Variants in PMP22 observed in about 807,000 individuals in gnomAD.
The protein encoded by PMP22 is peripheral myelin protein 22.
Under a neutral mutation model 18.9 loss-of-function variants are expected in PMP22, and 2 were observed. That is an observed-to-expected ratio of 0.11 (90% confidence interval 0.04 to 0.33). The LOEUF (loss-of-function observed/expected upper bound fraction) is 0.33, where lower values mean the gene tolerates loss of function less well. Ranked by LOEUF, PMP22 falls within the 10% of genes least tolerant of loss-of-function variation. The pLI is 1.00. For missense variants in PMP22, 169 were observed against 202.2 expected, an observed-to-expected ratio of 0.84 and a Z score of 1.00; for synonymous variants, 95 against 89.2, an observed-to-expected ratio of 1.07 and a Z score of -0.37.
At chr17:15,255,963 A>G (rs1597628470) in intron 3 of PMP22, among the ~76,000 whole-genome samples, 1 of 152,184 alleles carries the variant, frequency 6.6e-6, no homozygotes, top group Non-Finnish European at 1.5e-5. Flanking sequence ...AGGCCCATGC[A>G]TTCCAGATCC....
At chr17:15,247,340 G>C (rs926824490) in intron 3 of PMP22, among the ~76,000 whole-genome samples, 1 of 152,186 alleles carries the variant, frequency 6.6e-6, no homozygotes, top group Non-Finnish European at 1.5e-5. Flanking sequence ...CTGCACTCCA[G>C]CCTGGGCGAC....
chr17:15,249,362 G>A (rs1333693255), intron 3 of PMP22, among the ~76,000 whole-genome samples: 3 of 152,126 alleles, frequency 2.0e-5, no homozygotes, highest in Non-Finnish European at 2.9e-5. Context: ...CCTGCCCCAG[G>A]TTACCTAATT....
Position 15,259,185 on chromosome 17 carries a change from G to C in PMP22, c.87C>G (p.Ile29Met), listed in dbSNP as rs201192820. ...GATCAGTTGCGTGTCCATTGCCCAC[G>C]ATCCATTGCTAGAGAGAATCAGATA... is the stretch of plus-strand genomic sequence containing the variant. The part of the protein sequence containing the change: ...LFVSTIVSQW[I>M]VGNGHATDLW... Residue 29 changes from isoleucine to methionine, a missense_variant, in exon 3 of 5, where the codon ATC becomes ATG. Physicochemically the swap from Ile to Met is conservative, Grantham distance 10. Coordinates refer to ENST00000312280, the MANE Select transcript of PMP22 (RefSeq NM_000304.4). The C allele has an allele frequency of 1.9e-6, 3 of 1,611,314 alleles. No individual in the cohort carries two copies. In the Admixed American group the frequency reaches 5.0e-5, roughly 27 times the overall value.
At chr17:15,265,032 CA>C (rs1909615600) in intron 1 of PMP22, 121 bp downstream of exon 1, 1 of 152,194 alleles carries the variant, frequency 6.6e-6, no homozygotes, top group African/African-American at 2.4e-5. Context: ...AATTCCAACA[CA>C]AATGCACCAT....
intron 3 of PMP22, among the ~76,000 whole-genome samples, chr17:15,240,318 T>C (rs997257467): frequency 6.6e-6 from 1 of 151,876 alleles, no homozygotes; most frequent in African/African-American, 2.4e-5. Flanking sequence ...GAGCCCAAAG[T>C]AATTTTTTGG....
At chr17:15,262,182 G>T (rs377601557) in intron 1 of PMP22, among the ~76,000 whole-genome samples, 101 of 152,232 alleles carry the variant, frequency 6.6e-4, no homozygotes, top group African/African-American at 2.3e-3. Context: ...GCCCTTATCC[G>T]CTATCCAGAC....
intron 4 of PMP22, among the ~76,000 whole-genome samples, chr17:15,235,740 G>A (rs1318127148): frequency 6.6e-6 from 1 of 151,908 alleles, no homozygotes; most frequent in Non-Finnish European, 1.5e-5. Flanking sequence ...CCTGAATACT[G>A]TCTTTTTTCT....
chr17:15,245,172 C>T (rs1314747239), intron 3 of PMP22, among the ~76,000 whole-genome samples: 1 of 152,202 alleles, frequency 6.6e-6, no homozygotes, highest in Non-Finnish European at 1.5e-5. Context: ...GATTCAAGAG[C>T]TCTCGTTGTT....
intron 3 of PMP22, among the ~76,000 whole-genome samples, chr17:15,253,731 C>T (rs1908570489): frequency 6.6e-6 from 1 of 152,182 alleles, no homozygotes; most frequent in Admixed American, 6.5e-5. Context: ...CCCCAGCGAT[C>T]TTGCACTTGA....
intron 3 of PMP22, among the ~76,000 whole-genome samples, chr17:15,252,339 A>C (rs1446243119): frequency 6.6e-6 from 1 of 152,192 alleles, no homozygotes; most frequent in Non-Finnish European, 1.5e-5. Context: ...TCTAATTTTC[A>C]ACCCAAAGCA....
At chr17:15,260,548 A>G in intron 2 of PMP22, 102 bp downstream of exon 2, 3 of 1,000,882 alleles carry the variant, frequency 3.0e-6, no homozygotes, top group Non-Finnish European at 4.6e-6. Flanking sequence ...GAGACTTCCA[A>G]CTGTCTGCAA....
In PMP22 at chr17:15,258,324, A is replaced by G. The variant is rs539860067; in HGVS notation, c.178+770T>C. 9.9e-5 allele frequency among the ~76,000 whole-genome samples: 15 copies of G among 151,920 alleles called. No homozygotes were observed. The highest frequency in any genetic ancestry group is 4.2e-4 in the South Asian group (2 of 4,804). ...AAAACAGCTCATCCTGTTTACCTCC[A>G]CCTGTCTGCATCCAAACACACAGGG... On this transcript the variant is annotated intron_variant, in intron 3 of 4. Transcript: ENST00000312280. The surrounding 1 kb of genome is among the most constrained non-coding windows in gnomAD (Gnocchi z 4.1).
chr17:15,262,046 C>T (rs1909384361), intron 1 of PMP22, among the ~76,000 whole-genome samples: 1 of 152,200 alleles, frequency 6.6e-6, no homozygotes, highest in South Asian at 2.1e-4. Flanking sequence ...TTGAATTAAG[C>T]CGATGGCAGG....
Position 15,260,800 on chromosome 17 carries a change from G to A in PMP22, c.-34-39C>T, listed in dbSNP as rs1420115530. On this transcript the variant is annotated intron_variant, in intron 1 of 4. Coordinates refer to ENST00000312280, the MANE Select transcript of PMP22 (RefSeq NM_000304.4). The stretch of plus-strand genomic sequence containing the variant: ...GCTGGGCGTGAGGCCGAACGCACTG[G>A]GCCGAGCGACGGAGGCGCGCGCAGA... 4 of 1,356,150 alleles carry A rather than the reference G, an allele frequency of 2.9e-6. No homozygotes were observed. The African/African-American group carries it at 4.3e-5, about 15-fold the overall frequency. The allele number at this position is 1,356,150 out of a possible 1,614,324, so 84.0% of individuals were successfully genotyped here.
chr17:15,235,098 G>A (rs1284783435), intron 4 of PMP22: 7 of 645,720 alleles, frequency 1.1e-5, no homozygotes, highest in African/African-American at 1.8e-5. Context: ...GGGATTACAG[G>A]CATTCGCCAC....
intron 2 of PMP22, chr17:15,260,394 C>A: frequency 1.8e-6 from 1 of 556,338 alleles, no homozygotes; most frequent in Non-Finnish European, 3.2e-6. Context: ...GACCCTAGAT[C>A]GGCTCTGAAG....
In PMP22 at chr17:15,261,941, G is replaced by A. The variant is rs924076014; in HGVS notation, c.-34-1180C>T. ...CCAGTTTGGAAAGTACCCAATCCCA[G>A]GCCCCTCTGTTCCTCTCCACAAGCA... On this transcript the variant is annotated intron_variant, in intron 1 of 4. Transcript: ENST00000312280. This position sits in a 1 kb window ranked among gnomAD's most constrained non-coding sequence, Gnocchi z 5.2. 1 of 152,256 alleles carries A rather than the reference G, an allele frequency of 6.6e-6. No homozygotes were observed. The highest frequency in any genetic ancestry group is 2.4e-5 in the African/African-American group (1 of 41,458). 9.4% of individuals were successfully genotyped at this position (152,256 alleles called of 1,614,324 possible).
rs1224078090 is a variant in PMP22 at position 15,247,300 on chromosome 17, T to C, written c.179-7689A>G. On this transcript the variant is annotated intron_variant, in intron 3 of 4. Coordinates refer to ENST00000312280, the MANE Select transcript of PMP22 (RefSeq NM_000304.4). The stretch of plus-strand genomic sequence containing the variant: ...AGGAGAATGGTGTGAACCCGGGAGG[T>C]GGAGCTTGCAGTGAGCCGAGATGGC... 2.7e-5 allele frequency among the ~76,000 whole-genome samples: 4 copies of C among 148,976 alleles called. No homozygotes were observed. The East Asian group carries it at 6.0e-4, about 23-fold the overall frequency.
rs1023054022 is a variant in PMP22 at position 15,261,919 on chromosome 17, G to A, written c.-34-1158C>T. ...AGGGAGACAACGTTTCAATAACCCA[G>A]TTTGGAAAGTACCCAATCCCAGGCC... On this transcript the variant is annotated intron_variant, in intron 1 of 4. Transcript: ENST00000312280. This position sits in a 1 kb window ranked among gnomAD's most constrained non-coding sequence, Gnocchi z 5.2. 2 of 152,232 alleles carry A rather than the reference G, an allele frequency of 1.3e-5. No individual in the cohort carries two copies. The highest frequency in any genetic ancestry group is 2.9e-5 in the Non-Finnish European group (2 of 68,060). 9.4% of individuals were successfully genotyped at this position (152,232 alleles called of 1,614,324 possible).
Sources: gnomAD v4.1 joint callset for allele counts (sites outside exome capture counted in the v4.1 genomes callset) on GRCh38, gnomAD v4.1.1 for gene constraint, Gnocchi (gnomAD v3.1) non-coding constraint, MANE v1.5 for transcripts, NCBI Gene and HGNC (gene_info 2026-07-23, HGNC 2026-07-21) for gene names.